The following CDH4 variants were observed in gnomAD, a reference collection of about 807,000 sequenced individuals.
CDH4 encodes the protein cadherin 4.
CDH4 carries 33 observed loss-of-function variants against 86.0 expected under a neutral mutation model. That is an observed-to-expected ratio of 0.38 (90% CI 0.29 to 0.51). The LOEUF (loss-of-function observed/expected upper bound fraction) is 0.51, where lower values mean the gene tolerates loss of function less well. CDH4 is among the 20% of genes least tolerant of loss of function. The probability of loss-of-function intolerance (pLI) is 0.86; values close to 1 mark genes in which losing one functional copy is unlikely to be tolerated. For missense variants in CDH4, 1,114 were observed against 1,307.4 expected, an observed-to-expected ratio of 0.85 and a Z score of 2.28; for synonymous variants, 555 against 549.4, an observed-to-expected ratio of 1.01 and a Z score of -0.14.
rs1600934376 is a variant in CDH4 at position 61,392,863 on chromosome 20, CCT to C, written c.169+137927_169+137928del. 6.6e-6 allele frequency among the ~76,000 whole-genome samples: 1 copy of C among 152,058 alleles called. No individual in the cohort carries two copies. The highest frequency in any genetic ancestry group is 6.5e-5 in the Admixed American group (1 of 15,268). On this transcript the variant is annotated intron_variant, in intron 2 of 15. Coordinates refer to ENST00000614565, the MANE Select transcript of CDH4 (RefSeq NM_001794.5). This position sits in a 1 kb window ranked among gnomAD's most constrained non-coding sequence, Gnocchi z 5.7. The stretch of plus-strand genomic sequence containing the variant: ...TCTTCCATTAGCCCCTCCACCATCC[CCT>C]GTGTCACTGCACTAAGTAAAGCCAG...
At chr20:61,836,437 TG>T (rs1981884097) in intron 4 of CDH4, among the ~76,000 whole-genome samples, 1 of 152,256 alleles carries the variant, frequency 6.6e-6, no homozygotes, top group African/African-American at 2.4e-5. Context: ...AGGGGCTTTT[TG>T]TCATTGCTAA....
At chr20:61,364,594 C>A (rs916892420) in intron 2 of CDH4, among the ~76,000 whole-genome samples, 1 of 152,236 alleles carries the variant, frequency 6.6e-6, no homozygotes, top group Non-Finnish European at 1.5e-5. Flanking sequence ...AGCTCACCCT[C>A]TCCTTGGCTC....
At chr20:61,701,730 T>TTCGGC (rs777538670) in intron 2 of CDH4, among the ~76,000 whole-genome samples, 33 of 152,260 alleles carry the variant, frequency 2.2e-4, no homozygotes, top group Non-Finnish European at 4.0e-4. Flanking sequence ...GGAACCTCGG[T>TTCGGC]TCGGCTCACG....
At chr20:61,335,289 T>C (rs2084611233) in intron 2 of CDH4, among the ~76,000 whole-genome samples, 2 of 152,138 alleles carry the variant, frequency 1.3e-5, no homozygotes, top group South Asian at 4.2e-4. Flanking sequence ...AGATCGAAGG[T>C]CATTATATTC....
At chr20:61,856,386 C>G (rs1983007435) in intron 6 of CDH4, among the ~76,000 whole-genome samples, 1 of 136,648 alleles carries the variant, frequency 7.3e-6, no homozygotes, top group African/African-American at 2.8e-5. Context: ...TCTTCTCCAG[C>G]CCCCCGGGAT....
In CDH4 at chr20:61,516,844, C is replaced by T. The variant is rs916790746; in HGVS notation, c.170-226719C>T. On this transcript the variant is annotated intron_variant, in intron 2 of 15. Transcript: ENST00000614565. The surrounding 1 kb of genome is among the most constrained non-coding windows in gnomAD (Gnocchi z 4.0). ...GGGCTCGCTGTCCACACAGCCCCTG[C>T]TCCCCTACTCCCTGGCTCCTCGTCC... 2.0e-5 allele frequency among the ~76,000 whole-genome samples: 3 copies of T among 152,186 alleles called. No individual in the cohort carries two copies. The highest frequency in any genetic ancestry group is 7.2e-5 in the African/African-American group (3 of 41,440).
intron 2 of CDH4, among the ~76,000 whole-genome samples, chr20:61,637,281 A>G (rs2086957635): frequency 1.3e-5 from 2 of 152,156 alleles, no homozygotes; most frequent in South Asian, 4.2e-4. Flanking sequence ...ACACGGGTGT[A>G]TCTGTTTAAC....
Position 61,862,333 on chromosome 20 carries a change from C to T in CDH4, c.877+9435C>T, listed in dbSNP as rs75581907. Among the ~76,000 whole-genome samples the T allele has an allele frequency of 4.8e-3, 731 of 152,320 alleles. 3 individuals are homozygous for T. The highest frequency in any genetic ancestry group is 7.9e-3 in the Non-Finnish European group (537 of 68,022). On this transcript the variant is annotated intron_variant, in intron 6 of 15. Transcript: ENST00000614565. ...TCAGCCTGACCCCGGGGGCAGCTCT[C>T]AAGCCTTGATGACACCTCAGACGTG... is the stretch of plus-strand genomic sequence containing the variant.
At chr20:61,597,326 C>T (rs73611542) in intron 2 of CDH4, among the ~76,000 whole-genome samples, 13,098 of 152,320 alleles carry the variant, frequency 0.086, 706 homozygotes, top group East Asian at 0.23. Context: ...GTGCCCCCTG[C>T]GCTCCTTTTC....
chr20:61,763,059 T>C (rs2183431), intron 3 of CDH4, among the ~76,000 whole-genome samples: 8,273 of 147,396 alleles, frequency 0.056, 292 homozygotes, highest in Non-Finnish European at 0.081. Flanking sequence ...TCCAGCAGGA[T>C]CAGTGCAGGA....
chr20:61,371,462 G>T (rs2084839905), intron 2 of CDH4, among the ~76,000 whole-genome samples: 1 of 152,232 alleles, frequency 6.6e-6, no homozygotes, highest in Non-Finnish European at 1.5e-5. Flanking sequence ...TTTTCACCCT[G>T]CCAGCTCTCA....
chr20:61,278,131 GACTCC>G (rs1831193928), intron 2 of CDH4, among the ~76,000 whole-genome samples: 1 of 152,230 alleles, frequency 6.6e-6, no homozygotes, highest in South Asian at 2.1e-4. Flanking sequence ...CCCCACCTGT[GACTCC>G]TGCTTCATTT....
At chr20:61,432,296 A>G (rs906194479) in intron 2 of CDH4, among the ~76,000 whole-genome samples, 15 of 152,226 alleles carry the variant, frequency 9.9e-5, no homozygotes, top group Non-Finnish European at 1.5e-4. Flanking sequence ...AGCCACACTC[A>G]GTGAGGTCAG....
intron 15 of CDH4, 134 bp downstream of exon 15, chr20:61,934,354 C>T (rs1177458085): frequency 6.4e-6 from 6 of 938,944 alleles, no homozygotes; most frequent in Non-Finnish European, 9.1e-6. Flanking sequence ...ACCCGGGTTC[C>T]AGGCCCTGCT....
chr20:61,758,426 C>T lies in CDH4; in HGVS notation c.397-14577C>T, dbSNP rs2088591831. Among the ~76,000 whole-genome samples the T allele has an allele frequency of 2.0e-5, 3 of 152,190 alleles. No homozygotes were observed. In the South Asian group the frequency reaches 6.2e-4, roughly 32 times the overall value. On this transcript the variant is annotated intron_variant, in intron 3 of 15. Transcript: ENST00000614565. ...TGCTGTGGATAGGCTGTACGTTCTG[C>T]ATGGTTGACTCATTTGCTGTCTGTC...
At chr20:61,283,599 A>G (rs937658663) in intron 2 of CDH4, among the ~76,000 whole-genome samples, 4 of 151,184 alleles carry the variant, frequency 2.6e-5, no homozygotes, top group African/African-American at 7.3e-5. Flanking sequence ...GGTGTGTGTG[A>G]TGTGTGTGCA....
chr20:61,551,875 A>G (rs1446918324), intron 2 of CDH4, among the ~76,000 whole-genome samples: 1 of 152,270 alleles, frequency 6.6e-6, no homozygotes, highest in Non-Finnish European at 1.5e-5. Context: ...AAACCATTCA[A>G]TGGGGAAAAG....
chr20:61,282,539 GTGTGTGCA>G (rs1478161232), intron 2 of CDH4, among the ~76,000 whole-genome samples: 1,243 of 57,166 alleles, frequency 0.022, 16 homozygotes, highest in African/African-American at 0.055. Flanking sequence ...TTGGCATGGT[GTGTGTGCA>G]TGTGTGTGTG....
intron 3 of CDH4, among the ~76,000 whole-genome samples, chr20:61,767,171 C>G (rs918661186): frequency 6.6e-6 from 1 of 152,124 alleles, no homozygotes; most frequent in African/African-American, 2.4e-5. Flanking sequence ...GAGGTCATGG[C>G]TGCACCCCGC....
Sources: allele counts gnomAD v4.1 joint callset (sites outside exome capture counted in the v4.1 genomes callset), GRCh38; gene constraint gnomAD v4.1.1; non-coding constraint Gnocchi (gnomAD v3.1); transcripts MANE v1.5; gene names NCBI Gene and HGNC (gene_info 2026-07-23, HGNC 2026-07-21).